The following WDR72 variants were observed in gnomAD, a reference collection of about 807,000 sequenced individuals.
WDR72 encodes the protein WD repeat-containing protein 72.
A neutral mutation model predicts 124.2 loss-of-function variants in WDR72; 120 were observed. That is an observed-to-expected ratio of 0.97 (90% CI 0.83 to 1.12). The LOEUF (loss-of-function observed/expected upper bound fraction) is 1.12, where lower values mean the gene tolerates loss of function less well. Among genes scored for constraint, WDR72 ranks in the 50% most tolerant of loss-of-function variants. The pLI is 0.00. For missense variants in WDR72, 1,387 were observed against 1,278.8 expected (o/e 1.08, Z -1.29); for synonymous variants, 452 against 441.7 (o/e 1.02, Z -0.29).
chr15:53,612,945 G>C (rs1205206581), intron 16 of WDR72, among the ~76,000 whole-genome samples: 1 of 151,838 alleles, frequency 6.6e-6, no homozygotes, highest in Non-Finnish European at 1.5e-5. Context: ...TGCTGGTGTA[G>C]GGGGTGAGAA....
chr15:53,705,307 C>T (rs2017319783), intron 10 of WDR72, 74 bp from the exon 11 acceptor site: 6 of 1,402,088 alleles, frequency 4.3e-6, no homozygotes, highest in Non-Finnish European at 6.0e-6. Flanking sequence ...ATCAAGGCAC[C>T]CTCCCTTCAA....
chr15:53,581,266 C>A (rs1390235893), intron 18 of WDR72, among the ~76,000 whole-genome samples: 2 of 152,054 alleles, frequency 1.3e-5, no homozygotes, highest in Non-Finnish European at 2.9e-5. Flanking sequence ...AATATTTTCA[C>A]TACAATGTAA....
chr15:53,731,073 C>T (rs775798353), intron 2 of WDR72, among the ~76,000 whole-genome samples: 1 of 152,170 alleles, frequency 6.6e-6, no homozygotes, highest in Non-Finnish European at 1.5e-5. Flanking sequence ...TCAATAACTT[C>T]TTTGTGTAAT....
At chr15:53,567,259 T>C (rs1894335143) in intron 18 of WDR72, among the ~76,000 whole-genome samples, 1 of 151,978 alleles carries the variant, frequency 6.6e-6, no homozygotes, top group Admixed American at 6.6e-5. Flanking sequence ...ACCTTCACAT[T>C]TGGAATCGAG....
chr15:53,711,221 G>C, intron 8 of WDR72, 115 bp downstream of exon 8: 1 of 1,488,312 alleles, frequency 6.7e-7, no homozygotes. Context: ...TAGTGCCAAA[G>C]TTGTTTTGTT....
At chr15:53,551,990 T>C (rs550417665) in intron 18 of WDR72, among the ~76,000 whole-genome samples, 4 of 152,192 alleles carry the variant, frequency 2.6e-5, no homozygotes, top group Admixed American at 6.5e-5. Flanking sequence ...AAGGGAGGAA[T>C]TGAAGTGACC....
In WDR72 at chr15:53,615,999, G is replaced by T; in HGVS notation, c.2207C>A (p.Pro736His). Reference sequence around the variant, plus strand: ...CTTGGCTAGTGCCTCTGCTGAAAGAGGACCACAGGCAGTTTTACTTTTTCT... The same window carrying T: ...CTTGGCTAGTGCCTCTGCTGAAAGATGACCACAGGCAGTTTTACTTTTTCT... ...TLRKSKTACG[P>H]LSAEALAKPI... The change falls in exon 15 of 20, where the codon CCT (proline) becomes CAT (histidine). Residue 736 changes from proline (P) to histidine (H), a missense_variant. Coordinates refer to ENST00000360509, the MANE Select transcript of WDR72 (RefSeq NM_182758.4). 4 of 1,613,252 alleles carry T rather than the reference G, an allele frequency of 2.5e-6. No homozygotes were observed. The South Asian group carries it at 3.3e-5, about 13-fold the overall frequency.
At chr15:53,659,265 C>G (rs949477186) in intron 14 of WDR72, among the ~76,000 whole-genome samples, 14 of 152,092 alleles carry the variant, frequency 9.2e-5, no homozygotes, top group African/African-American at 3.4e-4. Flanking sequence ...ATCGAGGGAA[C>G]TTGACAACAT....
Position 53,714,460 on chromosome 15 carries a change from G to C in WDR72, c.565C>G (p.Leu189Val). 1 of 1,613,894 alleles carries C rather than the reference G, an allele frequency of 6.2e-7. No individual in the cohort carries two copies. Among genetic ancestry groups the C allele is most frequent in the Non-Finnish European group, 8.5e-7 (1 of 1,179,902 alleles). ...TGAATGCTGTTGATAGATGAGGAAA[G>C]ATCCCATACTTTGAGCTCACCAGCT... Reference protein sequence around the residue: ...SVAGELKVWDLSSSINSIQEK... With the variant: ...SVAGELKVWDVSSSINSIQEK... Residue 189 changes from leucine to valine, a missense_variant, in exon 6 of 20, where the codon CTT becomes GTT. Leu to Val is a conservative substitution (Grantham distance 32). Transcript: ENST00000360509.
In WDR72 at chr15:53,702,248, C is replaced by T; in HGVS notation, c.1455G>A (p.Gly485=). 6.2e-7 allele frequency: 1 copy of T among 1,613,996 alleles called. No individual in the cohort carries two copies. The highest frequency in any genetic ancestry group is 8.5e-7 in the Non-Finnish European group (1 of 1,179,976). ...SKLDQSWMLS[G]DLDSCVILWD... ...ACAAGATCACACATGAGTCCAGGTC[C>T]CCAGACAACATCCAACTTTGGTCTA... Residue 485 remains glycine, a synonymous_variant, in exon 12 of 20, where the codon GGG becomes GGA. Coordinates refer to ENST00000360509, the MANE Select transcript of WDR72 (RefSeq NM_182758.4).
rs77490615 is a variant in WDR72 at position 53,757,926 on chromosome 15, G to T, written c.-13+1707C>A. Among the ~76,000 whole-genome samples the T allele has an allele frequency of 6.9e-3, 1,046 of 152,208 alleles. 12 individuals are homozygous for T. Among genetic ancestry groups the T allele is most frequent in the African/African-American group, 0.024 (1,002 of 41,506 alleles). On this transcript the variant is annotated intron_variant, in intron 1 of 19. Transcript: ENST00000360509. ...TCTAAAGCATTCAGTTCATTGGGTAGAGACCGTTAATGGAAGATTTCACAC... is the reference window on the plus strand; with the variant it reads ...TCTAAAGCATTCAGTTCATTGGGTATAGACCGTTAATGGAAGATTTCACAC...
At chr15:53,666,207 T>C (rs2015775528) in intron 13 of WDR72, among the ~76,000 whole-genome samples, 1 of 152,190 alleles carries the variant, frequency 6.6e-6, no homozygotes, top group Non-Finnish European at 1.5e-5. Context: ...TTTAAATGAA[T>C]GGAGCAAGTA....
chr15:53,741,755 A>C (rs2018516075), intron 1 of WDR72, among the ~76,000 whole-genome samples: 1 of 150,214 alleles, frequency 6.7e-6, no homozygotes, highest in Non-Finnish European at 1.5e-5. Flanking sequence ...TTGGATTAAG[A>C]GTCTTGCTCT....
chr15:53,575,976 T>C (rs926497362), intron 18 of WDR72, among the ~76,000 whole-genome samples: 1 of 152,238 alleles, frequency 6.6e-6, no homozygotes, highest in Admixed American at 6.5e-5. Flanking sequence ...ATAGGCCCTT[T>C]GATCTTTGAT....
chr15:53,634,284 C>G (rs2014543082), intron 14 of WDR72, among the ~76,000 whole-genome samples: 2 of 152,136 alleles, frequency 1.3e-5, no homozygotes, highest in African/African-American at 2.4e-5. Context: ...CCTGGGTTTT[C>G]ACCTTGCCTC....
chr15:53,536,179 C>CA (rs1290879700), intron 18 of WDR72, among the ~76,000 whole-genome samples: 1 of 151,018 alleles, frequency 6.6e-6, no homozygotes, highest in Admixed American at 6.5e-5. Flanking sequence ...CAGGACAAAT[C>CA]AGAGAGCCAC....
At chr15:53,548,557 G>T (rs944714730) in intron 18 of WDR72, among the ~76,000 whole-genome samples, 6 of 152,146 alleles carry the variant, frequency 3.9e-5, no homozygotes, top group Non-Finnish European at 8.8e-5. Context: ...TAAAGGCAAT[G>T]GGAATTGGGG....
At chr15:53,628,745 T>C (rs1471326035) in intron 14 of WDR72, among the ~76,000 whole-genome samples, 3 of 152,134 alleles carry the variant, frequency 2.0e-5, no homozygotes, top group Non-Finnish European at 4.4e-5. Flanking sequence ...TGATTTCTAG[T>C]CAAGATGGCA....
At chr15:53,535,640 G>A in intron 18 of WDR72, among the ~76,000 whole-genome samples, 1 of 152,130 alleles carries the variant, frequency 6.6e-6, no homozygotes, top group East Asian at 1.9e-4. Flanking sequence ...CAGTAAAAAA[G>A]TTGTCCAATT....
Sources: gnomAD v4.1 joint callset for allele counts (sites outside exome capture counted in the v4.1 genomes callset) on GRCh38, gnomAD v4.1.1 for gene constraint, MANE v1.5 for transcripts, NCBI Gene and HGNC (gene_info 2026-07-23, HGNC 2026-07-21) for gene names.